The following PCDHA13 variants were observed in gnomAD, a reference collection of about 807,000 sequenced individuals.
The protein encoded by PCDHA13 is protocadherin alpha-13.
In PCDHA13, 54 loss-of-function variants were observed where a neutral mutation model predicts 64.8. The ratio of observed to expected loss-of-function variants is 0.83; its 90% CI spans 0.67 to 1.04. The LOEUF is 1.04. Ranked by LOEUF, PCDHA13 falls within the 50% of genes least tolerant of loss-of-function variation. The pLI, the probability that PCDHA13 is intolerant of heterozygous loss-of-function variation, is 0.00. For missense variants in PCDHA13, 1,248 were observed against 1,254.3 expected, an observed-to-expected ratio of 0.99 and a Z score of 0.08; for synonymous variants, 587 against 564.4, an observed-to-expected ratio of 1.04 and a Z score of -0.57.
At chr5:140,899,158 T>G (rs1285542285) in intron 1 of PCDHA13, among the ~76,000 whole-genome samples, 1 of 152,188 alleles carries the variant, frequency 6.6e-6, no homozygotes, top group African/African-American at 2.4e-5. Context: ...TGACTTCCTC[T>G]TTTCCTAATT....
intron 1 of PCDHA13, among the ~76,000 whole-genome samples, chr5:140,953,564 G>C (rs2094904127): frequency 6.6e-6 from 1 of 152,058 alleles, no homozygotes; most frequent in Non-Finnish European, 1.5e-5. Context: ...AAGTTTTAGT[G>C]CCCTCCTCTC....
At chr5:140,935,564 T>A (rs1554210560) in intron 1 of PCDHA13, among the ~76,000 whole-genome samples, 1 of 152,236 alleles carries the variant, frequency 6.6e-6, no homozygotes, top group Non-Finnish European at 1.5e-5. Context: ...GAAAAGTTCC[T>A]CTCTGTGTAG....
intron 1 of PCDHA13, among the ~76,000 whole-genome samples, chr5:140,899,543 G>C (rs1231734616): frequency 1.3e-5 from 2 of 152,144 alleles, no homozygotes; most frequent in Non-Finnish European, 2.9e-5. Flanking sequence ...CTTGATCATG[G>C]TGGATAAGCT....
chr5:140,984,878 C>G (rs2097124872), intron 3 of PCDHA13, among the ~76,000 whole-genome samples: 1 of 151,854 alleles, frequency 6.6e-6, no homozygotes, highest in African/African-American at 2.4e-5. Flanking sequence ...ATTGAGTTAC[C>G]ATGAGAACTA....
In PCDHA13 at chr5:141,010,032, T is replaced by C. The variant is rs529237892; in HGVS notation, c.*95T>C. 6.3e-7 allele frequency: 1 copy of C among 1,582,368 alleles called. No individual in the cohort carries two copies. Among genetic ancestry groups the C allele is most frequent in the African/African-American group, 1.4e-5 (1 of 73,468 alleles). On this transcript the variant is annotated 3_prime_UTR_variant, in exon 4 of 4. Transcript: ENST00000289272. ...TCCCTGCTCCTTTTTCCTATCTACA[T>C]GAGCCCTCTTAGAGACCTCAGAAAT...
chr5:140,946,791 T>C (rs1019495660), intron 1 of PCDHA13, among the ~76,000 whole-genome samples: 4 of 151,326 alleles, frequency 2.6e-5, no homozygotes, highest in Non-Finnish European at 4.4e-5. Flanking sequence ...GCTGATCTTA[T>C]AGAAGCAGAG....
At chr5:140,955,102 C>A (rs2095137498) in intron 1 of PCDHA13, among the ~76,000 whole-genome samples, 1 of 151,988 alleles carries the variant, frequency 6.6e-6, no homozygotes, top group Admixed American at 6.6e-5. Context: ...GGTGTTATTT[C>A]TGAGTTCTCT....
chr5:140,930,781 CAATAT>C (rs1259470112), intron 1 of PCDHA13, among the ~76,000 whole-genome samples: 2 of 152,048 alleles, frequency 1.3e-5, no homozygotes, highest in African/African-American at 4.8e-5. Context: ...AATATTTTCA[CAATAT>C]AATAGAATCC....
At chr5:140,942,913 G>T (rs1467978300) in intron 1 of PCDHA13, among the ~76,000 whole-genome samples, 1 of 148,868 alleles carries the variant, frequency 6.7e-6, no homozygotes, top group South Asian at 2.1e-4. Flanking sequence ...TAAGCGTGAA[G>T]AAAAAAAAAA....
intron 1 of PCDHA13, among the ~76,000 whole-genome samples, chr5:140,961,280 C>G (rs246003): frequency 0.56 from 85,679 of 152,048 alleles, 24,751 homozygotes; most frequent in African/African-American, 0.69. Flanking sequence ...TACCATGGCT[C>G]TGTTTCTTGA....
intron 1 of PCDHA13, among the ~76,000 whole-genome samples, chr5:140,964,997 T>C (rs144251011): frequency 3.9e-5 from 6 of 152,316 alleles, no homozygotes; most frequent in African/African-American, 1.4e-4. Context: ...CTTTGAATTC[T>C]GGGTGTCAGG....
At chr5:140,996,596 C>T (rs1343501273) in intron 3 of PCDHA13, among the ~76,000 whole-genome samples, 1 of 152,156 alleles carries the variant, frequency 6.6e-6, no homozygotes, top group Non-Finnish European at 1.5e-5. Flanking sequence ...CCGCCTCCCC[C>T]CATTTTCATT....
intron 1 of PCDHA13, among the ~76,000 whole-genome samples, chr5:140,962,592 G>C (rs1318639328): frequency 1.3e-5 from 2 of 152,164 alleles, no homozygotes; most frequent in Non-Finnish European, 2.9e-5. Flanking sequence ...ATATTTGACT[G>C]ATATATTTCT....
At position 140,884,640 on chromosome 5, in the gene PCDHA13, A is replaced by G; in HGVS notation, c.2372A>G (p.Glu791Gly). 1 of 1,610,250 alleles carries G rather than the reference A, an allele frequency of 6.2e-7. No homozygotes were observed. Among genetic ancestry groups the G allele is most frequent in the East Asian group, 2.2e-5 (1 of 44,848 alleles). ...GCAGAGGGAACAGGCCAGAGGGAGG[A>G]GGACTCAGAATGCTTGAAAGAGGTA... is the stretch of plus-strand genomic sequence containing the variant. ...GSAEGTGQRE[E>G]DSECLKEPRQ... The change falls in exon 1 of 4, where the codon GAG becomes GGG. Residue 791 changes from glutamate (E) to glycine (G), a missense_variant. Transcript: ENST00000289272.
chr5:140,978,829 T>A (rs2096825254), intron 1 of PCDHA13, 120 bp from the exon 2 acceptor site: 2 of 1,533,852 alleles, frequency 1.3e-6, no homozygotes, highest in Admixed American at 2.0e-5. Flanking sequence ...ATGAAATGGC[T>A]CATTCAATAC....
At chr5:140,977,263 TAC>T (rs1466968557) in intron 1 of PCDHA13, among the ~76,000 whole-genome samples, 4 of 152,230 alleles carry the variant, frequency 2.6e-5, no homozygotes, top group Admixed American at 1.3e-4. Flanking sequence ...CAGCAGATGT[TAC>T]AGTCTTTCTC....
intron 3 of PCDHA13, among the ~76,000 whole-genome samples, chr5:141,002,460 C>T (rs1554258683): frequency 2.0e-5 from 3 of 152,174 alleles, no homozygotes; most frequent in African/African-American, 7.2e-5. Context: ...ATTTGTATAA[C>T]GCTTTAGCAT....
At chr5:140,974,652 C>T (rs1238427822) in intron 1 of PCDHA13, among the ~76,000 whole-genome samples, 2 of 152,078 alleles carry the variant, frequency 1.3e-5, no homozygotes, top group East Asian at 1.9e-4. Context: ...GCTGAGATTA[C>T]AGGCATGCGC....
chr5:140,997,577 T>G (rs2097775398), intron 3 of PCDHA13, among the ~76,000 whole-genome samples: 1 of 152,186 alleles, frequency 6.6e-6, no homozygotes, highest in Admixed American at 6.5e-5. Flanking sequence ...GTGTGGTCCG[T>G]TGTTGACTGA....
Sources: gnomAD v4.1 joint callset for allele counts (sites outside exome capture counted in the v4.1 genomes callset) on GRCh38, gnomAD v4.1.1 for gene constraint, MANE v1.5 for transcripts, NCBI Gene and HGNC (gene_info 2026-07-23, HGNC 2026-07-21) for gene names.